Variants in C2orf92 observed in about 807,000 individuals in gnomAD.
The protein encoded by C2orf92 is chromosome 2 open reading frame 92, also known as uncharacterized protein C2orf92.
At chr2:97,695,856 A>C (rs1285246969) in intron 5 of C2orf92, among the ~76,000 whole-genome samples, 1 of 151,984 alleles carries the variant, frequency 6.6e-6, no homozygotes. Flanking sequence ...AATTCAAGCA[A>C]TTCTCCTGTC....
intron 1 of C2orf92, 58 bp downstream of exon 1, chr2:97,669,892 C>G (rs1675354489): frequency 2.5e-6 from 1 of 398,430 alleles, no homozygotes. Context: ...CTAAGTGGGG[C>G]AGAGGAGGGC....
Position 97,669,845 on chromosome 2 carries a change from G to C in C2orf92, c.46+11G>C. On this transcript the variant is annotated intron_variant, in intron 1 of 7. Transcript: ENST00000627399. The stretch of plus-strand genomic sequence containing the variant: ...TCTGCTGGATCCAAGGTATATTGCT[G>C]TGGCAGCTGGAGAGAAACATGGGCC... 1 of 398,666 alleles carries C rather than the reference G, an allele frequency of 2.5e-6. No homozygotes were observed. Among genetic ancestry groups the C allele is most frequent in the Non-Finnish European group, 4.4e-6 (1 of 226,120 alleles). 24.7% of individuals were successfully genotyped at this position (398,666 alleles called of 1,614,324 possible). A position where few individuals can be genotyped will look rare whatever the true frequency, so the allele number is the denominator to read the frequency against.
chr2:97,676,616 C>T (rs1183570025), intron 3 of C2orf92, among the ~76,000 whole-genome samples: 2 of 151,066 alleles, frequency 1.3e-5, no homozygotes, highest in African/African-American at 2.4e-5. Context: ...CCCCGACACA[C>T]GACAAATTAG....
chr2:97,676,164 G>A (rs966795289), intron 3 of C2orf92, among the ~76,000 whole-genome samples: 6 of 152,198 alleles, frequency 3.9e-5, no homozygotes, highest in South Asian at 2.1e-4. Flanking sequence ...AGCAGGAGCA[G>A]GGCTACCATC....
At chr2:97,669,115 A>G (rs1675326610), upstream of C2orf92, 1 of 152,286 alleles carries the variant, frequency 6.6e-6, no homozygotes, top group Non-Finnish European at 1.5e-5. Context: ...AAAAAAGTGT[A>G]GTACAAGGTA....
chr2:97,686,011 G>A (rs1458865924), intron 3 of C2orf92, among the ~76,000 whole-genome samples: 1 of 152,206 alleles, frequency 6.6e-6, no homozygotes, highest in Non-Finnish European at 1.5e-5. Context: ...CACAGCCTAG[G>A]TAATTTGTAA....
At chr2:97,686,459 A>G (rs1322195360) in intron 3 of C2orf92, among the ~76,000 whole-genome samples, 1 of 151,480 alleles carries the variant, frequency 6.6e-6, no homozygotes, top group Non-Finnish European at 1.5e-5. Flanking sequence ...TTGCCCTGTC[A>G]CCCAGGCTGG....
At chr2:97,686,229 G>C (rs968859903) in intron 3 of C2orf92, among the ~76,000 whole-genome samples, 1 of 152,130 alleles carries the variant, frequency 6.6e-6, no homozygotes, top group Non-Finnish European at 1.5e-5. Context: ...GCACTCTTAC[G>C]ATAACTAACC....
At chr2:97,674,232 A>G (rs983979014) in intron 1 of C2orf92, 1 of 352,570 alleles carries the variant, frequency 2.8e-6, no homozygotes, top group East Asian at 4.1e-5. Flanking sequence ...TTGGGGTCAT[A>G]TATCTTTAGT....
chr2:97,674,369 G>A (rs1182124937), intron 1 of C2orf92, 87 bp from the exon 2 acceptor site: 1 of 397,260 alleles, frequency 2.5e-6, no homozygotes, highest in Non-Finnish European at 4.4e-6. Flanking sequence ...TTGAGTTTGT[G>A]TCATGCATTC....
intron 3 of C2orf92, among the ~76,000 whole-genome samples, chr2:97,679,345 A>T (rs1675685210): frequency 6.6e-6 from 1 of 152,228 alleles, no homozygotes; most frequent in Non-Finnish European, 1.5e-5. Flanking sequence ...ACTCTGTAAT[A>T]ACAACAATAT....
At position 97,702,867 on chromosome 2, in the gene C2orf92, A is replaced by C. The variant is rs1573234386; in HGVS notation, c.*66A>C. 2.3e-5 allele frequency: 9 copies of C among 398,586 alleles called. No homozygotes were observed. The East Asian group carries it at 3.2e-4, about 14-fold the overall frequency. 24.7% of individuals were successfully genotyped at this position (398,586 alleles called of 1,614,324 possible). On this transcript the variant is annotated 3_prime_UTR_variant, in exon 8 of 8. Transcript: ENST00000627399. ...ATGCGAGGACATTCTCCATCTGCGCACCACAGGGAGGCAATTCCATTTCTG... is the reference window on the plus strand; with the variant it reads ...ATGCGAGGACATTCTCCATCTGCGCCCCACAGGGAGGCAATTCCATTTCTG...
At chr2:97,690,226 A>G (rs566832805) in intron 4 of C2orf92, 30 bp from the exon 5 acceptor site, 1 of 398,468 alleles carries the variant, frequency 2.5e-6, no homozygotes, top group East Asian at 3.6e-5. Flanking sequence ...CCTTTTTCTT[A>G]TTGTTTTTTA....
At chr2:97,665,774 T>TATATA (rs1415677580), upstream of C2orf92, 2 of 140,312 alleles carry the variant, frequency 1.4e-5, no homozygotes, top group South Asian at 2.4e-4. Context: ...TATATATATA[T>TATATA]TTTGTTTTGT....
intron 1 of C2orf92, chr2:97,671,403 T>C (rs890720643): frequency 5.0e-6 from 2 of 398,168 alleles, no homozygotes. Context: ...CACCTCAGCC[T>C]CCCCGAGTGC....
intron 3 of C2orf92, 136 bp downstream of exon 3, chr2:97,676,064 TTCTC>T: frequency 2.5e-6 from 1 of 397,596 alleles, no homozygotes; most frequent in Non-Finnish European, 4.4e-6. Context: ...TAGAATCTGT[TTCTC>T]TATGAGTCAA....
At chr2:97,689,017 T>C in intron 4 of C2orf92, 24 bp downstream of exon 4, 3 of 398,578 alleles carry the variant, frequency 7.5e-6, no homozygotes, top group African/African-American at 6.2e-5. Context: ...ATTAACATAA[T>C]AAGTGCACAC....
At chr2:97,693,638 TG>T (rs1349165638) in intron 5 of C2orf92, among the ~76,000 whole-genome samples, 3 of 152,222 alleles carry the variant, frequency 2.0e-5, no homozygotes, top group African/African-American at 7.2e-5. Flanking sequence ...AAATTCTACT[TG>T]GTCATAGTGA....
rs879924649 is a variant in C2orf92 at position 97,683,536 on chromosome 2, A to AT, written c.233-5357dup. Among the ~76,000 whole-genome samples, 386 of 107,184 alleles carry AT rather than the reference A, an allele frequency of 3.6e-3. 1 individual carries two copies. The highest frequency in any genetic ancestry group is 6.8e-3 in the Non-Finnish European group (286 of 41,852). 70.3% of individuals were successfully genotyped at this position (107,184 alleles called of 152,430 possible). ...GGCAACACAATAAGACCTGGTATCTATTAAAAAAAAAAAAAAAAGATGTCA... is the reference window on the plus strand; with the variant it reads ...GGCAACACAATAAGACCTGGTATCTATTTAAAAAAAAAAAAAAAAGATGTCA... On this transcript the variant is annotated intron_variant, in intron 3 of 7. Coordinates refer to ENST00000627399, the MANE Select transcript of C2orf92 (RefSeq NM_001351368.2).
Sources: allele counts gnomAD v4.1 joint callset (sites outside exome capture counted in the v4.1 genomes callset), GRCh38; gene constraint gnomAD v4.1.1; transcripts MANE v1.5; gene names NCBI Gene and HGNC (gene_info 2026-07-23, HGNC 2026-07-21).